IMMP2L: variants seen among roughly 807,000 people sequenced by gnomAD.
The protein encoded by IMMP2L is mitochondrial inner membrane protease subunit 2.
Under a neutral mutation model 19.3 loss-of-function variants are expected in IMMP2L, and 18 were observed. The observed-to-expected ratio is 0.93, with a 90% CI of 0.64 to 1.38. The LOEUF (loss-of-function observed/expected upper bound fraction) is 1.38. Among genes scored for constraint, IMMP2L ranks in the 40% most tolerant of loss-of-function variants. IMMP2L has a pLI of 0.00. For synonymous variants in IMMP2L, 76 were observed against 73.0 expected (o/e 1.04, Z -0.21); for missense variants, 233 against 218.2 (o/e 1.07, Z -0.43).
In IMMP2L at chr7:110,733,007, C is replaced by T. The variant is rs117581147; in HGVS notation, c.409-69286G>A. Among the ~76,000 whole-genome samples, 533 of 152,188 alleles carry T rather than the reference C, an allele frequency of 3.5e-3. 14 individuals carry two copies. The East Asian group carries it at 0.065, about 19-fold the overall frequency. On this transcript the variant is annotated intron_variant, in intron 5 of 5. Transcript: ENST00000405709. Reference sequence around the variant, plus strand: ...CTCACTATGATTCCCAGGCTGATCTCAAACTCCTGGCCTCAAGTGATATTT... The same window carrying T: ...CTCACTATGATTCCCAGGCTGATCTTAAACTCCTGGCCTCAAGTGATATTT...
chr7:111,108,298 T>G (rs1321955646), intron 3 of IMMP2L, among the ~76,000 whole-genome samples: 3 of 152,192 alleles, frequency 2.0e-5, no homozygotes, highest in Admixed American at 1.3e-4. Flanking sequence ...CTCTTTTTGT[T>G]GTTGATACAG....
intron 1 of IMMP2L, among the ~76,000 whole-genome samples, chr7:111,553,442 T>A (rs1563350409): frequency 6.6e-6 from 1 of 152,170 alleles, no homozygotes; most frequent in Non-Finnish European, 1.5e-5. Flanking sequence ...ATCTCCAAAA[T>A]AAGTCCATTT....
intron 3 of IMMP2L, among the ~76,000 whole-genome samples, chr7:111,295,497 T>A (rs1821532325): frequency 6.6e-6 from 1 of 151,710 alleles, no homozygotes; most frequent in Admixed American, 6.6e-5. Context: ...AAGATTAGAA[T>A]AAGTAAAATG....
intron 2 of IMMP2L, among the ~76,000 whole-genome samples, chr7:111,507,996 T>C (rs1485163014): frequency 6.6e-6 from 1 of 152,182 alleles, no homozygotes; most frequent in Admixed American, 6.6e-5. Flanking sequence ...GTCAGAGTCA[T>C]TGTGGGAGGA....
chr7:111,556,639 T>C (rs956845509), intron 1 of IMMP2L, among the ~76,000 whole-genome samples: 2 of 152,114 alleles, frequency 1.3e-5, no homozygotes, highest in African/African-American at 4.8e-5. Flanking sequence ...ACAATCATCA[T>C]CATACTTAAT....
chr7:111,502,310 G>T (rs1187240029), intron 2 of IMMP2L, among the ~76,000 whole-genome samples: 2 of 151,954 alleles, frequency 1.3e-5, no homozygotes, highest in Non-Finnish European at 2.9e-5. Flanking sequence ...GAGCACCCAG[G>T]TTCATAAAGC....
chr7:110,812,269 T>G (rs2131277040), intron 5 of IMMP2L, among the ~76,000 whole-genome samples: 1 of 152,124 alleles, frequency 6.6e-6, no homozygotes, highest in African/African-American at 2.4e-5. Flanking sequence ...TACAATCTAA[T>G]CAATAGGATG....
At chr7:110,767,638 C>T (rs1165792603) in intron 5 of IMMP2L, among the ~76,000 whole-genome samples, 1 of 152,064 alleles carries the variant, frequency 6.6e-6, no homozygotes, top group Non-Finnish European at 1.5e-5. Flanking sequence ...CATCACATAC[C>T]ATATATTCAG....
chr7:110,667,166 G>A (rs113156378), intron 5 of IMMP2L, among the ~76,000 whole-genome samples: 4,270 of 152,222 alleles, frequency 0.028, 118 homozygotes, highest in African/African-American at 0.068. Context: ...CACTGCGCCC[G>A]GCCTGGAATA....
intron 5 of IMMP2L, among the ~76,000 whole-genome samples, chr7:110,816,048 C>T (rs1005784404): frequency 3.3e-5 from 5 of 151,968 alleles, no homozygotes; most frequent in Admixed American, 1.3e-4. Context: ...GTTCTTTTAA[C>T]TGTGATGTTA....
In IMMP2L at chr7:110,796,900, ATT is replaced by A. The variant is rs1387513246; in HGVS notation, c.408+89691_408+89692del. On this transcript the variant is annotated intron_variant, in intron 5 of 5. Coordinates refer to ENST00000405709, the MANE Select transcript of IMMP2L (RefSeq NM_032549.4). ...AGTATAGCTAAATGCCTTTGCCTAC[ATT>A]AGCCAGCCATTTATTGCTTATTGCG... is the stretch of plus-strand genomic sequence containing the variant. 2.6e-5 allele frequency among the ~76,000 whole-genome samples: 4 copies of A among 152,152 alleles called. No individual in the cohort carries two copies. The South Asian group carries it at 8.3e-4, about 32-fold the overall frequency.
intron 3 of IMMP2L, among the ~76,000 whole-genome samples, chr7:111,195,704 A>G (rs1327993507): frequency 3.1e-3 from 1 of 326 alleles, no homozygotes; most frequent in Non-Finnish European, 5.6e-3. Flanking sequence ...ATGAGTGTCG[A>G]CGATTCTAAA....
At chr7:110,785,856 T>C (rs1800039926) in intron 5 of IMMP2L, among the ~76,000 whole-genome samples, 1 of 151,802 alleles carries the variant, frequency 6.6e-6, no homozygotes, top group Non-Finnish European at 1.5e-5. Flanking sequence ...TTCCACATAA[T>C]TTGTCAATGG....
At chr7:111,419,577 T>C (rs1393146434) in intron 3 of IMMP2L, among the ~76,000 whole-genome samples, 1 of 151,798 alleles carries the variant, frequency 6.6e-6, no homozygotes, top group Non-Finnish European at 1.5e-5. Flanking sequence ...GTCTCTTATC[T>C]ACCTATGACC....
chr7:111,444,129 T>TC (rs1333821502), intron 3 of IMMP2L, among the ~76,000 whole-genome samples: 1 of 152,174 alleles, frequency 6.6e-6, no homozygotes, highest in African/African-American at 2.4e-5. Flanking sequence ...TTACTTTTTT[T>TC]CTATTTTCCC....
At chr7:111,528,444 T>C (rs1486921683) in intron 1 of IMMP2L, among the ~76,000 whole-genome samples, 2 of 152,200 alleles carry the variant, frequency 1.3e-5, no homozygotes, top group African/African-American at 4.8e-5. Context: ...CAGTTCATTG[T>C]TGAAGTGCTT....
At chr7:111,237,662 C>A (rs1289505098) in intron 3 of IMMP2L, among the ~76,000 whole-genome samples, 3 of 151,526 alleles carry the variant, frequency 2.0e-5, no homozygotes, top group Non-Finnish European at 4.4e-5. Context: ...AGAAATTACA[C>A]CTTATAAATG....
intron 3 of IMMP2L, among the ~76,000 whole-genome samples, chr7:111,380,771 T>C (rs1013768930): frequency 6.6e-6 from 1 of 152,034 alleles, no homozygotes; most frequent in Non-Finnish European, 1.5e-5. Context: ...CCATCTGGCT[T>C]GTCTCTGATA....
chr7:110,889,693 T>C (rs1810594028), intron 4 of IMMP2L, among the ~76,000 whole-genome samples: 2 of 152,302 alleles, frequency 1.3e-5, no homozygotes, highest in East Asian at 1.9e-4. Context: ...GATGAAAATA[T>C]AATGGAAAGA....
Sources: allele counts gnomAD v4.1 joint callset (sites outside exome capture counted in the v4.1 genomes callset), GRCh38; gene constraint gnomAD v4.1.1; transcripts MANE v1.5; gene names NCBI Gene and HGNC (gene_info 2026-07-23, HGNC 2026-07-21).